ZBTB10: variants seen among roughly 807,000 people sequenced by gnomAD.
The protein encoded by ZBTB10 is zinc finger and BTB domain containing 10.
A neutral mutation model predicts 76.4 loss-of-function variants in ZBTB10; 32 were observed. The observed-to-expected ratio is 0.42, with a 90% CI of 0.32 to 0.56. ZBTB10 has a LOEUF of 0.56. ZBTB10 is among the 20% of genes least tolerant of loss of function. ZBTB10 has a pLI of 0.14. For synonymous variants in ZBTB10, 523 were observed against 432.9 expected, an observed-to-expected ratio of 1.21 and a Z score of -2.58; for missense variants, 1,057 against 1,098.5, an observed-to-expected ratio of 0.96 and a Z score of 0.53.
upstream of ZBTB10, chr8:80,485,605 G>A (rs1815422145): frequency 5.7e-6 from 3 of 522,210 alleles, no homozygotes; most frequent in African/African-American, 2.0e-5. Flanking sequence ...CACTCGGGGC[G>A]GTGCATTTTC....
rs906194579 is a variant in ZBTB10, at chr8:80,490,610, T to C, written c.972+2828T>C. Among the ~76,000 whole-genome samples the C allele has an allele frequency of 5.7e-4, 87 of 152,176 alleles. 1 individual carries two copies. Among genetic ancestry groups the C allele is most frequent in the Admixed American group, 4.7e-3 (72 of 15,278 alleles). On this transcript the variant is annotated intron_variant, in intron 1 of 5. Transcript: ENST00000455036. ...AGAGACTTTGTGGCCATCAGGTTCT[T>C]TGAACATTCTGAGCCTATTTCTCAT... is the stretch of plus-strand genomic sequence containing the variant.
chr8:80,502,316 A>G (rs1418350730), intron 2 of ZBTB10, among the ~76,000 whole-genome samples: 1 of 152,172 alleles, frequency 6.6e-6, no homozygotes, highest in Non-Finnish European at 1.5e-5. Flanking sequence ...GTTCACTGCA[A>G]CCACTGCCTC....
chr8:80,510,107 T>A (rs931964252), intron 2 of ZBTB10, among the ~76,000 whole-genome samples: 2 of 152,198 alleles, frequency 1.3e-5, no homozygotes, highest in Non-Finnish European at 2.9e-5. Flanking sequence ...TTGGTATCCT[T>A]AAGATTTTGG....
At chr8:80,485,925 G>C, upstream of ZBTB10, 1 of 1,521,046 alleles carries the variant, frequency 6.6e-7, no homozygotes, top group Admixed American at 2.0e-5. Context: ...CCTGACACTC[G>C]CCAGCTGTTT....
intron 1 of ZBTB10, among the ~76,000 whole-genome samples, chr8:80,496,807 C>T (rs1277432120): frequency 2.0e-5 from 3 of 152,160 alleles, no homozygotes; most frequent in Non-Finnish European, 4.4e-5. Context: ...ACTGCTTCCA[C>T]AAACAGTTCA....
chr8:80,505,377 A>G (rs1308631837), intron 2 of ZBTB10, among the ~76,000 whole-genome samples: 2 of 152,222 alleles, frequency 1.3e-5, no homozygotes, highest in African/African-American at 4.8e-5. Flanking sequence ...TAGTAAATGC[A>G]GCAGTCGATT....
chr8:80,485,801 C>G (rs1815429387), upstream of ZBTB10: 1 of 1,535,502 alleles, frequency 6.5e-7, no homozygotes, highest in Admixed American at 2.0e-5. Context: ...GGCTGGAGCG[C>G]AGCTCCCACC....
chr8:80,486,421 C>G lies in ZBTB10; in HGVS notation c.-390C>G, dbSNP rs1815452021. ...TGTGGAGGATCGGTGTGTGCGCGCG[C>G]GGCTTTAAAGAGGGGGCAGCGGAGG... On this transcript the variant is annotated 5_prime_UTR_variant, in exon 1 of 6. Coordinates refer to ENST00000455036, the MANE Select transcript of ZBTB10 (RefSeq NM_001105539.3). The G allele has an allele frequency of 1.0e-6, 1 of 983,590 alleles. No homozygotes were observed. The highest frequency in any genetic ancestry group is 1.8e-5 in the African/African-American group (1 of 56,594). 60.9% of individuals were successfully genotyped at this position (983,590 alleles called of 1,614,324 possible). A position where few individuals can be genotyped will look rare whatever the true frequency, so the allele number is the denominator to read the frequency against.
Position 80,524,560 on chromosome 8 carries a change from T to G in ZBTB10, c.*5032T>G, listed in dbSNP as rs1816512932. 1 of 152,000 alleles carries G rather than the reference T, an allele frequency of 6.6e-6. No individual in the cohort carries two copies. The highest frequency in any genetic ancestry group is 2.1e-4 in the South Asian group (1 of 4,830). The allele number at this position is 152,000 out of a possible 1,614,324, so 9.4% of individuals were successfully genotyped here. A position where few individuals can be genotyped will look rare whatever the true frequency, so the allele number is the denominator to read the frequency against. On this transcript the variant is annotated 3_prime_UTR_variant, in exon 6 of 6. Coordinates refer to ENST00000455036, the MANE Select transcript of ZBTB10 (RefSeq NM_001105539.3). Reference sequence around the variant, plus strand: ...GCTTTTTAGGTTATTTCAAAGTTAGTAATAGAGCAAAGGAAATCAGAACTG... The same window carrying G: ...GCTTTTTAGGTTATTTCAAAGTTAGGAATAGAGCAAAGGAAATCAGAACTG...
In ZBTB10 at chr8:80,519,713, C is replaced by G. The variant is rs1483864588; in HGVS notation, c.*185C>G. On this transcript the variant is annotated 3_prime_UTR_variant, in exon 6 of 6. Transcript: ENST00000455036. ...TTTTTTATATTTGCACAGGACTATA[C>G]AGCAAACAACCATGTGGTTGGATTA... is the stretch of plus-strand genomic sequence containing the variant. The G allele has an allele frequency of 5.5e-6, 3 of 543,350 alleles. No individual in the cohort carries two copies. Among genetic ancestry groups the G allele is most frequent in the Non-Finnish European group, 9.7e-6 (3 of 310,756 alleles). The allele number at this position is 543,350 out of a possible 1,614,324, so 33.7% of individuals were successfully genotyped here. A position where few individuals can be genotyped will look rare whatever the true frequency, so the allele number is the denominator to read the frequency against.
chr8:80,511,441 T>A (rs891603772), intron 2 of ZBTB10, among the ~76,000 whole-genome samples: 19 of 152,258 alleles, frequency 1.2e-4, no homozygotes, highest in African/African-American at 3.1e-4. Context: ...ATGACTTTTT[T>A]AAAAAAAGAT....
At chr8:80,508,204 T>G (rs1472752642) in intron 2 of ZBTB10, among the ~76,000 whole-genome samples, 1 of 152,220 alleles carries the variant, frequency 6.6e-6, no homozygotes, top group East Asian at 1.9e-4. Flanking sequence ...TTTTTGTGAC[T>G]TCTTCCTGCT....
chr8:80,486,803 C>CG lies in ZBTB10; in HGVS notation c.-7dup. 1 of 1,415,880 alleles carries CG rather than the reference C, an allele frequency of 7.1e-7. No homozygotes were observed. Among genetic ancestry groups the CG allele is most frequent in the South Asian group, 1.5e-5 (1 of 66,502 alleles). The allele number at this position is 1,415,880 out of a possible 1,614,324, so 87.7% of individuals were successfully genotyped here. ...GGGCACCGGGCGGCGGCGGCGGCGG[C>CG]GCGCGCCATGTCGTTCAGTGAAATG... On this transcript the variant is annotated 5_prime_UTR_variant, in exon 1 of 6. Coordinates refer to ENST00000455036, the MANE Select transcript of ZBTB10 (RefSeq NM_001105539.3).
At position 80,522,525 on chromosome 8, in the gene ZBTB10, A is replaced by G. The variant is rs939793956; in HGVS notation, c.*2997A>G. The G allele has an allele frequency of 2.0e-5, 3 of 151,936 alleles. No individual in the cohort carries two copies. The highest frequency in any genetic ancestry group is 4.4e-5 in the Non-Finnish European group (3 of 67,848). 9.4% of individuals were successfully genotyped at this position (151,936 alleles called of 1,614,324 possible). A position where few individuals can be genotyped will look rare whatever the true frequency, so the allele number is the denominator to read the frequency against. On this transcript the variant is annotated 3_prime_UTR_variant, in exon 6 of 6. Transcript: ENST00000455036. ...TTTCTTATTTACTAGATATTTTGCT[A>G]AATTTAGCACACTAGCAATTAAGAG...
At chr8:80,515,967 T>G (rs1417790668) in intron 3 of ZBTB10, among the ~76,000 whole-genome samples, 1 of 152,204 alleles carries the variant, frequency 6.6e-6, no homozygotes, top group African/African-American at 2.4e-5. Context: ...ATGAAAGAAA[T>G]TTGGGGCAAG....
Position 80,500,012 on chromosome 8 carries a change from A to G in ZBTB10, c.1491A>G (p.Lys497=). Residue 497 remains lysine, a synonymous_variant, in exon 2 of 6, where the codon AAA becomes AAG. Coordinates refer to ENST00000455036, the MANE Select transcript of ZBTB10 (RefSeq NM_001105539.3). ...GTCTGTCTTCATCACGGGATCAAAAAATTGCCAGTTTTTGGGCAACACGGA... is the reference window on the plus strand; with the variant it reads ...GTCTGTCTTCATCACGGGATCAAAAGATTGCCAGTTTTTGGGCAACACGGA... ...RDGLSSSRDQ[K]IASFWATRNL... is the part of the protein sequence containing the mutation. 1 of 1,614,014 alleles carries G rather than the reference A, an allele frequency of 6.2e-7. No individual in the cohort carries two copies. Among genetic ancestry groups the G allele is most frequent in the Non-Finnish European group, 8.5e-7 (1 of 1,179,882 alleles).
At chr8:80,504,340 C>T (rs1815998017) in intron 2 of ZBTB10, among the ~76,000 whole-genome samples, 1 of 152,164 alleles carries the variant, frequency 6.6e-6, no homozygotes, top group African/African-American at 2.4e-5. Context: ...TGGCGGGGGT[C>T]TCTTCTAGTT....
chr8:80,491,766 A>ATG (rs1254402378), intron 1 of ZBTB10, among the ~76,000 whole-genome samples: 3 of 152,210 alleles, frequency 2.0e-5, no homozygotes, highest in Non-Finnish European at 4.4e-5. Flanking sequence ...AATAACAGTG[A>ATG]TTACCAGTTA....
chr8:80,499,420 A>T, intron 1 of ZBTB10, 74 bp from the exon 2 acceptor site: 1 of 1,418,348 alleles, frequency 7.1e-7, no homozygotes, highest in Non-Finnish European at 9.4e-7. Context: ...AAACTTGATA[A>T]TTGTTTTCCT....
Sources: allele counts gnomAD v4.1 joint callset (sites outside exome capture counted in the v4.1 genomes callset), GRCh38; gene constraint gnomAD v4.1.1; transcripts MANE v1.5; gene names NCBI Gene and HGNC (gene_info 2026-07-23, HGNC 2026-07-21).